Variants in PER1 observed in about 807,000 individuals in gnomAD.
PER1 encodes period circadian regulator 1.
Under a neutral mutation model 125.9 loss-of-function variants are expected in PER1, and 87 were observed. That is an observed-to-expected ratio of 0.69 (90% CI 0.58 to 0.83). The LOEUF (loss-of-function observed/expected upper bound fraction) is 0.83. PER1 is among the 40% of genes least tolerant of loss of function. The probability of loss-of-function intolerance (pLI) is 0.00; values close to 1 mark genes in which losing one functional copy is unlikely to be tolerated. For missense variants in PER1, 1,775 were observed against 1,722.8 expected (o/e 1.03, Z -0.54); for synonymous variants, 801 against 714.7 (o/e 1.12, Z -1.93).
chr17:8,147,581 G>C lies in PER1; in HGVS notation c.1389-3C>G. On this transcript the variant is annotated splice_region_variant and splice_polypyrimidine_tract_variant and intron_variant, in intron 11 of 22. Transcript: ENST00000317276. ...ACACGTCCTCATTCAGGGGGGCCCT[G>C]TAGAGTGAAGAGTGAATCCAGCCCT... is the stretch of plus-strand genomic sequence containing the variant. 3 of 1,613,284 alleles carry C rather than the reference G, an allele frequency of 1.9e-6. No homozygotes were observed. The highest frequency in any genetic ancestry group is 2.5e-6 in the Non-Finnish European group (3 of 1,179,446).
rs1982721426 is a variant in PER1, at chr17:8,149,825, G to A, written c.581C>T (p.Ser194Phe). 1.2e-6 allele frequency: 2 copies of A among 1,613,974 alleles called. No individual in the cohort carries two copies. The highest frequency in any genetic ancestry group is 1.7e-6 in the Non-Finnish European group (2 of 1,180,038). The part of the protein sequence containing the change: ...QWSLEEGEPC[S>F]MDMSTYTLEE... The stretch of plus-strand genomic sequence containing the variant: ...CAGGGTATAGGTGGACATGTCCATG[G>A]AGCAAGGCTCGCCCTCCTCCAGGCT... Residue 194 changes from serine (S) to phenylalanine (F), a missense_variant, in exon 5 of 23, where the codon TCC (serine) becomes TTC (phenylalanine). Physicochemically the swap from Ser to Phe is radical, Grantham distance 155. Coordinates refer to ENST00000317276, the MANE Select transcript of PER1 (RefSeq NM_002616.3).
Position 8,149,577 on chromosome 17 carries a change from C to A in PER1, c.738G>T (p.Arg246=), listed in dbSNP as rs2304910. 253 of 1,613,872 alleles carry A rather than the reference C, an allele frequency of 1.6e-4. 1 individual carries two copies. In the East Asian group the frequency reaches 3.9e-3, roughly 25 times the overall value. ...AGAAGCGGGTACCCCGGAACACGTC[C>A]CGCTTGCAACGCAGCAGGACGGCTG... ...EQAAVLLRCK[R]DVFRGTRFSE... is the part of the protein sequence containing the mutation. Residue 246 remains arginine (R), a synonymous_variant, in exon 6 of 23, where the codon CGG becomes CGT. Transcript: ENST00000317276.
rs746688709 is a variant in PER1 at position 8,143,711 on chromosome 17, G to C, written c.2627C>G (p.Pro876Arg). ...TPWPTPPATT[P>R]FPAVVQPYPL... ...GTAGGGCTGGACAACCGCTGGGAAG[G>C]GGGTAGTGGCTGGTGGGGTGGGCCA... The change falls in exon 19 of 23, where the codon CCC becomes CGC. Residue 876 changes from proline (P) to arginine (R), a missense_variant. Physicochemically the swap from Pro to Arg is moderately radical, Grantham distance 103 (BLOSUM62 -2). Transcript: ENST00000317276. The C allele has an allele frequency of 4.6e-6, 7 of 1,525,434 alleles. No individual in the cohort carries two copies. In the Admixed American group the frequency reaches 5.9e-5, roughly 13 times the overall value. 94.5% of individuals were successfully genotyped at this position (1,525,434 alleles called of 1,614,324 possible).
chr17:8,150,272 G>A lies in PER1; in HGVS notation c.321C>T (p.Tyr107=), dbSNP rs776437380. 5.7e-6 allele frequency: 9 copies of A among 1,567,692 alleles called. No homozygotes were observed. The South Asian group carries it at 5.9e-5, about 10-fold the overall frequency. ...SPSPPSSSIA[Y]SLLSASSEQD... is the part of the protein sequence containing the mutation. ...GCTCTGAGCTGGCACTCAGGAGGCT[G>A]TAGGCAATGGAACTGCTGGGTGGGG... Residue 107 remains tyrosine, a synonymous_variant, in exon 3 of 23, where the codon TAC becomes TAT. Coordinates refer to ENST00000317276, the MANE Select transcript of PER1 (RefSeq NM_002616.3).
chr17:8,150,809 G>T lies in PER1; in HGVS notation c.-103C>A. 9.0e-7 allele frequency: 1 copy of T among 1,111,538 alleles called. No homozygotes were observed. The highest frequency in any genetic ancestry group is 1.3e-6 in the Non-Finnish European group (1 of 792,408). 68.9% of individuals were successfully genotyped at this position (1,111,538 alleles called of 1,614,324 possible). On this transcript the variant is annotated 5_prime_UTR_variant, in exon 2 of 23. Coordinates refer to ENST00000317276, the MANE Select transcript of PER1 (RefSeq NM_002616.3). ...TGAGGGAGTGAGGTGGAAGATCTAA[G>T]TCTCTGAGGGTTGAGAAGTTCGATC...
Position 8,146,152 on chromosome 17 carries a change from G to C in PER1, c.2039-15C>G. 1 of 1,574,438 alleles carries C rather than the reference G, an allele frequency of 6.4e-7. No individual in the cohort carries two copies. Among genetic ancestry groups the C allele is most frequent in the Non-Finnish European group, 8.6e-7 (1 of 1,159,858 alleles). On this transcript the variant is annotated splice_polypyrimidine_tract_variant and intron_variant, in intron 16 of 22. Coordinates refer to ENST00000317276, the MANE Select transcript of PER1 (RefSeq NM_002616.3). The stretch of plus-strand genomic sequence containing the variant: ...TGACGGCGGATCTGTGCAGAGAGAT[G>C]GTGCCAGTTACCATCCCCACCCCCA...
intron 16 of PER1, 110 bp downstream of exon 16, chr17:8,146,262 G>T: frequency 2.0e-6 from 3 of 1,517,824 alleles, no homozygotes; most frequent in Non-Finnish European, 2.7e-6. Context: ...AGACCAGGAG[G>T]CTGGGGAGGA....
chr17:8,143,777 C>G lies in PER1; in HGVS notation c.2561G>C (p.Cys854Ser). The change falls in exon 19 of 23, where the codon TGC becomes TCC. Residue 854 changes from cysteine (C) to serine (S), a missense_variant. Physicochemically the swap from Cys to Ser is moderately radical, Grantham distance 112 (BLOSUM62 -1). Transcript: ENST00000317276. Reference protein sequence around the residue: ...HHQNPRAEAPCYVSHPSPVPP... With the variant: ...HHQNPRAEAPSYVSHPSPVPP... Reference sequence around the variant, plus strand: ...CACGGGTGAGGGGTGTGAGACATAGCAGGGCGCTTCAGCCCGAGGGTTCTG... The same window carrying G: ...CACGGGTGAGGGGTGTGAGACATAGGAGGGCGCTTCAGCCCGAGGGTTCTG... 1 of 1,604,862 alleles carries G rather than the reference C, an allele frequency of 6.2e-7. No homozygotes were observed. The highest frequency in any genetic ancestry group is 8.5e-7 in the Non-Finnish European group (1 of 1,174,758).
At chr17:8,148,307 C>A (rs757688763) in intron 8 of PER1, 48 bp from the exon 9 acceptor site, 3 of 1,452,328 alleles carry the variant, frequency 2.1e-6, no homozygotes, top group Non-Finnish European at 2.9e-6. Flanking sequence ...GAATGCCCAA[C>A]TCCTCAGCCC....
chr17:8,144,753 C>A lies in PER1; in HGVS notation c.2459G>T (p.Arg820Leu), dbSNP rs767314742. 7 of 1,565,818 alleles carry A rather than the reference C, an allele frequency of 4.5e-6. No individual in the cohort carries two copies. Among genetic ancestry groups the A allele is most frequent in the African/African-American group, 1.4e-5 (1 of 73,840 alleles). Residue 820 changes from arginine (R) to leucine (L), a missense_variant and splice_region_variant, in exon 18 of 23, where the codon CGA becomes CTA. By Grantham distance (102) the Arg-to-Leu change is moderately radical. Coordinates refer to ENST00000317276, the MANE Select transcript of PER1 (RefSeq NM_002616.3). The stretch of plus-strand genomic sequence containing the variant: ...TCCAGGAGGCCCCAGGTGGCTACCT[C>A]GCTCGCCAAGGGCTGAGGGAGCTGT... ...SSTAPSALGE[R>L]GCHHGPAPPS...
Position 8,142,674 on chromosome 17 carries a change from C to G in PER1, c.3234G>C (p.Gly1078=). 6.2e-7 allele frequency: 1 copy of G among 1,614,020 alleles called. No homozygotes were observed. The highest frequency in any genetic ancestry group is 8.5e-7 in the Non-Finnish European group (1 of 1,180,020). ...GSGSGSGSHE[G]GSTSASITRS... is the part of the protein sequence containing the mutation. ...GAGTGATGCTGGCTGAGGTGCTGCC[C>G]CCTTCATGGGAGCCTGAACCAGACC... Residue 1078 remains glycine, a synonymous_variant, in exon 20 of 23, where the codon GGG becomes GGC. Coordinates refer to ENST00000317276, the MANE Select transcript of PER1 (RefSeq NM_002616.3).
Position 8,150,591 on chromosome 17 carries a change from G to A in PER1, c.116C>T (p.Pro39Leu), listed in dbSNP as rs200283438. Residue 39 changes from proline (P) to leucine (L), a missense_variant, in exon 2 of 23, where the codon CCC (proline) becomes CTC (leucine). By Grantham distance (98) the Pro-to-Leu change is moderately conservative (BLOSUM62 -3). Coordinates refer to ENST00000317276, the MANE Select transcript of PER1 (RefSeq NM_002616.3). ...GGCATCGGTGTCATCGGCCAGGCTG[G>A]GGCCTGGGCAAGGCCGGTGCTGTGG... ...GPPQHRPCPG[P>L]SLADDTDANS... 6.2e-7 allele frequency: 1 copy of A among 1,614,050 alleles called. No homozygotes were observed. Among genetic ancestry groups the A allele is most frequent in the African/African-American group, 1.3e-5 (1 of 75,050 alleles).
rs1386610172 is a variant in PER1 at position 8,147,804 on chromosome 17, A to G, written c.1258T>C (p.Phe420Leu). 1 of 1,613,782 alleles carries G rather than the reference A, an allele frequency of 6.2e-7. No individual in the cohort carries two copies. The highest frequency in any genetic ancestry group is 1.3e-5 in the African/African-American group (1 of 74,930). ...CAGAAGCGGATAGGGGAGTGGTCAA[A>G]GGGCTGGCCCGCCAACTGCAGAACT... ...KKILQLAGQPFDHSPIRFCAR... is the reference protein window; with the variant it reads ...KKILQLAGQPLDHSPIRFCAR... Residue 420 changes from phenylalanine to leucine, a missense_variant, in exon 11 of 23, where the codon TTT (phenylalanine) becomes CTT (leucine). Transcript: ENST00000317276.
rs770226438 is a variant in PER1 at position 8,143,444 on chromosome 17, G to A, written c.2894C>T (p.Pro965Leu). Residue 965 changes from proline (P) to leucine (L), a missense_variant, in exon 19 of 23, where the codon CCT becomes CTT. Transcript: ENST00000317276. The part of the protein sequence containing the change: ...SPSLPALAPS[P>L]PHRPDSPLFN... The stretch of plus-strand genomic sequence containing the variant: ...CAGTGGAGAGTCCGGGCGGTGAGGA[G>A]GACTCGGGGCGAGGGCGGGCAAGGA... 1.2e-6 allele frequency: 2 copies of A among 1,609,728 alleles called. No homozygotes were observed. The highest frequency in any genetic ancestry group is 1.1e-5 in the South Asian group (1 of 90,480).
Position 8,141,214 on chromosome 17 carries a change from C to G in PER1, c.3727G>C (p.Gly1243Arg). Residue 1243 changes from glycine (G) to arginine (R), a missense_variant, in exon 23 of 23, where the codon GGC (glycine) becomes CGC (arginine). By Grantham distance (125) the Gly-to-Arg change is moderately radical (BLOSUM62 -2). Transcript: ENST00000317276. ...CAGCCCTCTCCCTCACCACTGCCGC[C>G]ACCGCTGCTGCCCTGCTCGCCTCCA... ...EGGGEQGSSGGGSGEGEGCEE... is the reference protein window; with the variant it reads ...EGGGEQGSSGRGSGEGEGCEE... The G allele has an allele frequency of 6.2e-7, 1 of 1,614,216 alleles. No individual in the cohort carries two copies. Among genetic ancestry groups the G allele is most frequent in the Non-Finnish European group, 8.5e-7 (1 of 1,180,044 alleles).
intron 18 of PER1, chr17:8,144,241 C>T (rs940042727): frequency 5.1e-5 from 20 of 392,614 alleles, no homozygotes; most frequent in Middle Eastern, 6.6e-4. Flanking sequence ...CCTAGGCATT[C>T]CTCCTGCCCA....
In PER1 at chr17:8,147,452, C is replaced by T. The variant is rs773156037; in HGVS notation, c.1497+18G>A. On this transcript the variant is annotated intron_variant, in intron 12 of 22. Coordinates refer to ENST00000317276, the MANE Select transcript of PER1 (RefSeq NM_002616.3). The stretch of plus-strand genomic sequence containing the variant: ...ACACCTTTTCTCACCTCCCAGGCTC[C>T]CTCTCCGCTACTCTCACCTGCAGCA... The T allele has an allele frequency of 2.5e-6, 4 of 1,613,026 alleles. No individual in the cohort carries two copies. The East Asian group carries it at 8.9e-5, about 36-fold the overall frequency.
chr17:8,146,394 T>C lies in PER1; in HGVS notation c.2016A>G (p.Pro672=). 1.2e-6 allele frequency: 2 copies of C among 1,611,220 alleles called. No homozygotes were observed. Among genetic ancestry groups the C allele is most frequent in the East Asian group, 2.2e-5 (1 of 44,868 alleles). ...ASDDDRQRTG[P]VSVGTKKDPP... is the part of the protein sequence containing the mutation. ...TACCTTTCTTGGTCCCCACAGAGAC[T>C]GGACCTGTCCTCTGCCTGTCGTCGT... Residue 672 remains proline (P), a synonymous_variant, in exon 16 of 23, where the codon CCA becomes CCG. Transcript: ENST00000317276.
Position 8,143,277 on chromosome 17 carries a change from C to G in PER1, c.3061G>C (p.Glu1021Gln). 6.4e-7 allele frequency: 1 copy of G among 1,551,080 alleles called. No individual in the cohort carries two copies. Among genetic ancestry groups the G allele is most frequent in the Non-Finnish European group, 8.7e-7 (1 of 1,148,398 alleles). ...GGGTCAGTGCTCACCAGTCTGGCCT[C>G]TGGCTCAGCAGCCTCCGCACTGGGA... is the stretch of plus-strand genomic sequence containing the variant. The part of the protein sequence containing the change: ...PPPSAEAAEP[E>Q]ARLAEVTESS... Residue 1021 changes from glutamate to glutamine, a missense_variant, in exon 19 of 23, where the codon GAG becomes CAG. By Grantham distance (29) the Glu-to-Gln change is conservative. Transcript: ENST00000317276.
Sources: gnomAD v4.1 joint callset for allele counts on GRCh38, gnomAD v4.1.1 for gene constraint, MANE v1.5 for transcripts, NCBI Gene and HGNC (gene_info 2026-07-23, HGNC 2026-07-21) for gene names.